Variants in TMCO4 observed in about 807,000 individuals in gnomAD.
TMCO4 encodes transmembrane and coiled-coil domains 4, also known as transmembrane and coiled-coil domain-containing protein 4.
In TMCO4, 58 loss-of-function variants were observed where a neutral mutation model predicts 64.7. The observed-to-expected ratio is 0.90, with a 90% CI of 0.73 to 1.12. TMCO4 has a LOEUF of 1.12. TMCO4 is among the 50% of genes most tolerant of loss of function. The pLI, the probability that TMCO4 is intolerant of heterozygous loss-of-function variation, is 0.00. For missense variants in TMCO4, 780 were observed against 825.9 expected (o/e 0.94, Z 0.68); for synonymous variants, 325 against 346.1 (o/e 0.94, Z 0.68).
intron 2 of TMCO4, among the ~76,000 whole-genome samples, chr1:19,792,825 C>T (rs2044117578): frequency 7.9e-6 from 1 of 126,652 alleles, no homozygotes; most frequent in African/African-American, 3.0e-5. Flanking sequence ...AGCTGGAGTG[C>T]AGTGGCGCAA....
chr1:19,777,242 G>A (rs1172741210), intron 4 of TMCO4, among the ~76,000 whole-genome samples: 2 of 151,808 alleles, frequency 1.3e-5, no homozygotes, highest in African/African-American at 4.8e-5. Flanking sequence ...CTTCCTTCCT[G>A]CCTTGGGCCT....
intron 13 of TMCO4, among the ~76,000 whole-genome samples, chr1:19,704,187 T>G (rs1229787296): frequency 6.6e-6 from 1 of 152,242 alleles, no homozygotes; most frequent in Non-Finnish European, 1.5e-5. Flanking sequence ...GAACTCTGAT[T>G]TTGCTCCTTT....
At chr1:19,784,374 A>G (rs1304530321) in intron 3 of TMCO4, among the ~76,000 whole-genome samples, 2 of 152,130 alleles carry the variant, frequency 1.3e-5, no homozygotes, top group Non-Finnish European at 2.9e-5. Context: ...TCTCTACTAA[A>G]AATACAAAAA....
chr1:19,689,223 G>A (rs192900532), intron 15 of TMCO4, among the ~76,000 whole-genome samples: 68 of 152,312 alleles, frequency 4.5e-4, no homozygotes, highest in African/African-American at 1.6e-3. Context: ...AAAACAGGAG[G>A]CCAGCACAAA....
In TMCO4 at chr1:19,754,848, G is replaced by A. The variant is rs554874048; in HGVS notation, c.515+786C>T. ...ACTTGCTGTGTGCCAGCCCTGGGCC[G>A]GGCATTTTATAATGCGCAGACATTC... On this transcript the variant is annotated intron_variant, in intron 7 of 15. Coordinates refer to ENST00000294543, the MANE Select transcript of TMCO4 (RefSeq NM_181719.7). 3.9e-5 allele frequency among the ~76,000 whole-genome samples: 6 copies of A among 152,240 alleles called. No homozygotes were observed. In the South Asian group the frequency reaches 6.2e-4, roughly 16 times the overall value.
intron 13 of TMCO4, among the ~76,000 whole-genome samples, chr1:19,712,974 A>G (rs1365517391): frequency 6.6e-6 from 1 of 152,228 alleles, no homozygotes; most frequent in Non-Finnish European, 1.5e-5. Flanking sequence ...GGGATGAGCC[A>G]GCTTTGCTCG....
chr1:19,755,618 C>A lies in TMCO4; in HGVS notation c.515+16G>T, dbSNP rs779818316. ...GAAATCCTTGGATCCTGATGGGGGT[C>A]GCGGGGCTCTCTTACTCAGATTCCT... is the stretch of plus-strand genomic sequence containing the variant. On this transcript the variant is annotated intron_variant, in intron 7 of 15. Coordinates refer to ENST00000294543, the MANE Select transcript of TMCO4 (RefSeq NM_181719.7). The A allele has an allele frequency of 6.2e-7, 1 of 1,613,370 alleles. No homozygotes were observed. Among genetic ancestry groups the A allele is most frequent in the South Asian group, 1.1e-5 (1 of 91,012 alleles).
chr1:19,714,859 G>A (rs2095347981), intron 13 of TMCO4, among the ~76,000 whole-genome samples: 1 of 152,114 alleles, frequency 6.6e-6, no homozygotes, highest in Non-Finnish European at 1.5e-5. Context: ...GGAGGTGGAG[G>A]TTGCAGTAAG....
chr1:19,774,238 T>G (rs539141392), intron 4 of TMCO4, among the ~76,000 whole-genome samples: 1 of 152,236 alleles, frequency 6.6e-6, no homozygotes, highest in Admixed American at 6.5e-5. Context: ...GGCCAAGGAC[T>G]ACAGCATGGC....
chr1:19,713,279 G>A (rs766720964), intron 13 of TMCO4, among the ~76,000 whole-genome samples: 1 of 152,102 alleles, frequency 6.6e-6, no homozygotes, highest in African/African-American at 2.4e-5. Context: ...TACCACAGAT[G>A]TACACAATAT....
chr1:19,745,067 G>T (rs1021325346), intron 10 of TMCO4, among the ~76,000 whole-genome samples: 5 of 151,886 alleles, frequency 3.3e-5, no homozygotes, highest in Non-Finnish European at 7.4e-5. Context: ...TGGATGGGTG[G>T]ATAGGTAGAA....
chr1:19,738,999 C>T (rs1258513826), intron 12 of TMCO4, among the ~76,000 whole-genome samples: 4 of 152,302 alleles, frequency 2.6e-5, no homozygotes, highest in Non-Finnish European at 4.4e-5. Context: ...AAGGTCAAGA[C>T]CCCAGAGCAA....
chr1:19,770,025 A>G (rs894252386), intron 6 of TMCO4, among the ~76,000 whole-genome samples: 18 of 152,348 alleles, frequency 1.2e-4, no homozygotes, highest in Admixed American at 3.3e-4. Context: ...GGAGCAGGAC[A>G]AGGGTCAGCC....
At chr1:19,782,736 G>A (rs1391454549) in intron 3 of TMCO4, among the ~76,000 whole-genome samples, 1 of 152,168 alleles carries the variant, frequency 6.6e-6, no homozygotes, top group Non-Finnish European at 1.5e-5. Context: ...AAGAACCCTG[G>A]GAGCCACCAG....
intron 13 of TMCO4, among the ~76,000 whole-genome samples, chr1:19,707,082 T>C (rs1385165320): frequency 6.6e-6 from 1 of 152,226 alleles, no homozygotes; most frequent in African/African-American, 2.4e-5. Flanking sequence ...GTTAAAGTCA[T>C]TGCAATGGCC....
chr1:19,738,582 C>T (rs1246368210), intron 12 of TMCO4, among the ~76,000 whole-genome samples: 1 of 152,240 alleles, frequency 6.6e-6, no homozygotes, highest in Non-Finnish European at 1.5e-5. Context: ...GACACCCAGA[C>T]TCTTACTTGG....
At chr1:19,787,278 G>T (rs61368983) in intron 2 of TMCO4, among the ~76,000 whole-genome samples, 161 bp from the exon 3 acceptor site, 3,543 of 152,278 alleles carry the variant, frequency 0.023, 144 homozygotes, top group African/African-American at 0.081. Flanking sequence ...CTTGACGTGG[G>T]GTGCTCTTCT....
intron 15 of TMCO4, among the ~76,000 whole-genome samples, chr1:19,685,194 C>T (rs1416086273): frequency 6.6e-6 from 1 of 152,162 alleles, no homozygotes; most frequent in Non-Finnish European, 1.5e-5. Flanking sequence ...GGCATGGTGG[C>T]GTGTGCCTGT....
At position 19,734,962 on chromosome 1, in the gene TMCO4, G is replaced by A. The variant is rs752761441; in HGVS notation, c.1264+2410C>T. 1.2e-4 allele frequency among the ~76,000 whole-genome samples: 18 copies of A among 152,108 alleles called. No individual in the cohort carries two copies. Among genetic ancestry groups the A allele is most frequent in the African/African-American group, 2.9e-4 (12 of 41,400 alleles). The stretch of plus-strand genomic sequence containing the variant: ...GCACCCGGTGGATCTGCACTAGCTC[G>A]TGGGCACAGCAGCATGTGCCTGATT... On this transcript the variant is annotated intron_variant, in intron 13 of 15. Transcript: ENST00000294543. This position sits in a 1 kb window ranked among gnomAD's most constrained non-coding sequence, Gnocchi z 4.4.
Sources: allele counts gnomAD v4.1 joint callset (sites outside exome capture counted in the v4.1 genomes callset), GRCh38; gene constraint gnomAD v4.1.1; non-coding constraint Gnocchi (gnomAD v3.1); transcripts MANE v1.5; gene names NCBI Gene and HGNC (gene_info 2026-07-23, HGNC 2026-07-21).